Variants in MIS18A observed in about 807,000 individuals in gnomAD.
MIS18A encodes the protein MIS18 kinetochore protein A, also known as protein Mis18-alpha.
In MIS18A, 14 loss-of-function variants were observed where a neutral mutation model predicts 25.0. The ratio of observed to expected loss-of-function variants is 0.56; its 90% CI spans 0.37 to 0.88. The LOEUF is 0.88. Ranked by LOEUF, MIS18A falls within the 40% of genes least tolerant of loss-of-function variation. The pLI, the probability that MIS18A is intolerant of heterozygous loss-of-function variation, is 0.00. For synonymous variants in MIS18A, 134 were observed against 118.6 expected (o/e 1.13, Z -0.84); for missense variants, 292 against 290.8 (o/e 1.00, Z -0.03).
intron 1 of MIS18A, among the ~76,000 whole-genome samples, chr21:32,276,644 T>C (rs986564894): frequency 6.6e-6 from 1 of 151,846 alleles, no homozygotes; most frequent in Admixed American, 6.6e-5. Context: ...ATATAAACTT[T>C]ATAGGATTGG....
rs2031662793 is a variant in MIS18A, at chr21:32,269,029, A to C, written c.*8T>G. ...GGCGGGGGCAGAATGGAGGACACAGACTAGAGTTCAGCTTTTACAAGTGGC... is the reference window on the plus strand; with the variant it reads ...GGCGGGGGCAGAATGGAGGACACAGCCTAGAGTTCAGCTTTTACAAGTGGC... On this transcript the variant is annotated 3_prime_UTR_variant, in exon 5 of 5. Transcript: ENST00000290130. 1 of 1,589,972 alleles carries C rather than the reference A, an allele frequency of 6.3e-7. No individual in the cohort carries two copies. The highest frequency in any genetic ancestry group is 1.1e-5 in the South Asian group (1 of 87,396).
the MIS18A span, among the ~76,000 whole-genome samples, chr21:32,200,278 G>A: frequency 6.6e-6 from 1 of 152,154 alleles, no homozygotes; most frequent in Non-Finnish European, 1.5e-5. Context: ...GTAGTTTGCT[G>A]ACCCCTGGCC....
the MIS18A span, among the ~76,000 whole-genome samples, chr21:32,174,773 AGTGT>A: frequency 5.2e-5 from 5 of 95,400 alleles, no homozygotes; most frequent in Admixed American, 4.4e-4. Flanking sequence ...CAACTTCACA[AGTGT>A]ATGACATACT....
chr21:32,270,343 C>A lies in MIS18A; in HGVS notation c.524+64G>T, dbSNP rs2031690256. 6 of 1,575,350 alleles carry A rather than the reference C, an allele frequency of 3.8e-6. No individual in the cohort carries two copies. The East Asian group carries it at 1.4e-4, about 36-fold the overall frequency. On this transcript the variant is annotated intron_variant, in intron 3 of 4. Coordinates refer to ENST00000290130, the MANE Select transcript of MIS18A (RefSeq NM_018944.3). Reference sequence around the variant, plus strand: ...CCAAACAGTATTGATTTAGTTCTGACAATTCCGTGCCTTAACTTTCTGAAA... The same window carrying A: ...CCAAACAGTATTGATTTAGTTCTGAAAATTCCGTGCCTTAACTTTCTGAAA...
the MIS18A span, among the ~76,000 whole-genome samples, chr21:32,239,534 T>C: frequency 6.6e-6 from 1 of 152,242 alleles, no homozygotes; most frequent in Non-Finnish European, 1.5e-5. Flanking sequence ...AAAAGCTTTC[T>C]TGTGCTGCTC....
At chr21:32,160,647 T>C in the MIS18A span, among the ~76,000 whole-genome samples, 3 of 128,902 alleles carry the variant, frequency 2.3e-5, no homozygotes, top group African/African-American at 9.1e-5. Context: ...AGTGGTTGCA[T>C]TCTTTTTTTT....
At chr21:32,160,285 A>AACACACACAC in the MIS18A span, among the ~76,000 whole-genome samples, 171 of 145,730 alleles carry the variant, frequency 1.2e-3, 1 homozygote, top group Admixed American at 3.6e-3. Flanking sequence ...ACACCTCTGC[A>AACACACACAC]ACACACACAC....
chr21:32,274,693 G>GAT, intron 2 of MIS18A, 137 bp downstream of exon 2: 1 of 672,226 alleles, frequency 1.5e-6, no homozygotes, highest in East Asian at 2.8e-5. Flanking sequence ...AAAAAGAACT[G>GAT]ATATATGCGA....
the MIS18A span, among the ~76,000 whole-genome samples, chr21:32,249,350 C>T: frequency 6.6e-6 from 1 of 152,194 alleles, no homozygotes; most frequent in South Asian, 2.1e-4. Context: ...TTGTCTTCCA[C>T]CCTCTAACAG....
chr21:32,258,207 A>G, the MIS18A span, among the ~76,000 whole-genome samples: 3 of 152,216 alleles, frequency 2.0e-5, no homozygotes, highest in Admixed American at 6.5e-5. Context: ...GAAAACAGAA[A>G]ACGACTGAAA....
At chr21:32,209,447 A>G in the MIS18A span, among the ~76,000 whole-genome samples, 1 of 152,172 alleles carries the variant, frequency 6.6e-6, no homozygotes, top group Non-Finnish European at 1.5e-5. Flanking sequence ...CCACAAGCCC[A>G]AATTATTATG....
At chr21:32,197,129 A>G in the MIS18A span, among the ~76,000 whole-genome samples, 2 of 152,248 alleles carry the variant, frequency 1.3e-5, no homozygotes, top group South Asian at 4.1e-4. Flanking sequence ...AGTCCCATAA[A>G]CTGAGTATAA....
the MIS18A span, among the ~76,000 whole-genome samples, chr21:32,155,243 A>AT: frequency 8.6e-3 from 1,271 of 148,306 alleles, 12 homozygotes; most frequent in African/African-American, 0.027. Context: ...CTGTTTAGGC[A>AT]TTTTTTTTTT....
At chr21:32,256,365 C>T in the MIS18A span, among the ~76,000 whole-genome samples, 1 of 152,060 alleles carries the variant, frequency 6.6e-6, no homozygotes, top group African/African-American at 2.4e-5. Context: ...TATTCCATTC[C>T]CACCCGACTC....
At chr21:32,200,897 C>G in the MIS18A span, among the ~76,000 whole-genome samples, 3 of 152,210 alleles carry the variant, frequency 2.0e-5, no homozygotes, top group Non-Finnish European at 2.9e-5. Context: ...TGATAACCCT[C>G]AGGAGGCAGG....
the MIS18A span, among the ~76,000 whole-genome samples, chr21:32,210,135 G>A: frequency 1.3e-5 from 2 of 152,212 alleles, no homozygotes; most frequent in South Asian, 4.2e-4. Context: ...GGCTTCATAG[G>A]GAGGTGCTGG....
chr21:32,235,731 A>C, the MIS18A span, among the ~76,000 whole-genome samples: 1 of 152,222 alleles, frequency 6.6e-6, no homozygotes, highest in Non-Finnish European at 1.5e-5. Context: ...CACCGCGTTC[A>C]GGCACGGTTT....
the MIS18A span, among the ~76,000 whole-genome samples, chr21:32,160,923 G>A: frequency 1.3e-5 from 2 of 152,136 alleles, no homozygotes; most frequent in South Asian, 2.1e-4. Flanking sequence ...GAGCCCCTGC[G>A]CCCGGCCAGT....
At chr21:32,172,257 A>T in the MIS18A span, among the ~76,000 whole-genome samples, 1 of 152,088 alleles carries the variant, frequency 6.6e-6, no homozygotes, top group Non-Finnish European at 1.5e-5. Context: ...TTAAAAATAG[A>T]TCTATCATAG....
Sources: gnomAD v4.1 joint callset for allele counts (sites outside exome capture counted in the v4.1 genomes callset) on GRCh38, gnomAD v4.1.1 for gene constraint, MANE v1.5 for transcripts, NCBI Gene and HGNC (gene_info 2026-07-23, HGNC 2026-07-21) for gene names.